The following FGF12 variants were observed in gnomAD, a reference collection of about 807,000 sequenced individuals.
FGF12 encodes the protein fibroblast growth factor 12B.
FGF12 carries 14 observed loss-of-function variants against 23.6 expected under a neutral mutation model. The ratio of observed to expected loss-of-function variants is 0.59; its 90% CI spans 0.39 to 0.93. FGF12 has a LOEUF of 0.93. Ranked by LOEUF, FGF12 falls within the 40% of genes least tolerant of loss-of-function variation. FGF12 has a pLI of 0.00. For missense variants in FGF12, 175 were observed against 217.8 expected (o/e 0.80, Z 1.24); for synonymous variants, 62 against 77.3 (o/e 0.80, Z 1.04).
At chr3:192,707,345 C>G (rs931872560) in intron 2 of FGF12, among the ~76,000 whole-genome samples, 1 of 151,944 alleles carries the variant, frequency 6.6e-6, no homozygotes, top group Non-Finnish European at 1.5e-5. Flanking sequence ...GGGAGCTGAC[C>G]GAGAATGGCA....
intron 2 of FGF12, among the ~76,000 whole-genome samples, chr3:192,685,532 A>G (rs1717700191): frequency 6.6e-6 from 1 of 152,204 alleles, no homozygotes; most frequent in South Asian, 2.1e-4. Flanking sequence ...AGAGGGAGAC[A>G]AAAATTCAAA....
intron 4 of FGF12, among the ~76,000 whole-genome samples, chr3:192,253,493 T>C (rs1712173048): frequency 6.6e-6 from 1 of 152,038 alleles, no homozygotes; most frequent in Admixed American, 6.6e-5. Flanking sequence ...AAGAAATTAA[T>C]TTAGCTTTAG....
intron 4 of FGF12, among the ~76,000 whole-genome samples, chr3:192,323,991 C>T (rs193055113): frequency 1.3e-5 from 2 of 152,068 alleles, no homozygotes; most frequent in East Asian, 3.9e-4. Context: ...ACTTGGGAGG[C>T]TGAGGCTGCA....
intron 3 of FGF12, among the ~76,000 whole-genome samples, chr3:192,353,725 C>T (rs1718334514): frequency 6.6e-6 from 1 of 152,056 alleles, no homozygotes; most frequent in Admixed American, 6.5e-5. Context: ...AAGTGAGGAG[C>T]CAAGGCTGAA....
chr3:192,671,455 T>A (rs1369766895), intron 2 of FGF12, among the ~76,000 whole-genome samples: 1 of 152,162 alleles, frequency 6.6e-6, no homozygotes, highest in Non-Finnish European at 1.5e-5. Flanking sequence ...CATGTATTGG[T>A]CATGTTCTCT....
At chr3:192,173,659 A>G (rs949989662) in intron 4 of FGF12, among the ~76,000 whole-genome samples, 1 of 152,220 alleles carries the variant, frequency 6.6e-6, no homozygotes, top group Non-Finnish European at 1.5e-5. Flanking sequence ...ATCTAGTCCA[A>G]TACTAGCAAA....
chr3:192,695,353 C>A (rs1452344456), intron 2 of FGF12, among the ~76,000 whole-genome samples: 3 of 152,096 alleles, frequency 2.0e-5, no homozygotes, highest in African/African-American at 7.2e-5. Context: ...CAAATGCCAC[C>A]TCCTAGATTA....
chr3:192,257,378 A>G lies in FGF12; in HGVS notation c.228+77983T>C, dbSNP rs142551051. On this transcript the variant is annotated intron_variant, in intron 4 of 5. Coordinates refer to ENST00000445105, the MANE Select transcript of FGF12 (RefSeq NM_004113.6). Reference sequence around the variant, plus strand: ...CCTGTCCATCACCCAGATGATCTCTATATCAACATCAGAGAGTGGCAGATG... The same window carrying G: ...CCTGTCCATCACCCAGATGATCTCTGTATCAACATCAGAGAGTGGCAGATG... 4.8e-3 allele frequency among the ~76,000 whole-genome samples: 732 copies of G among 152,264 alleles called. 1 individual carries two copies. Among genetic ancestry groups the G allele is most frequent in the African/African-American group, 0.011 (443 of 41,568 alleles).
chr3:192,289,781 T>C (rs1458110112), intron 4 of FGF12, among the ~76,000 whole-genome samples: 1 of 152,182 alleles, frequency 6.6e-6, no homozygotes, highest in African/African-American at 2.4e-5. Flanking sequence ...AGATGTCCAA[T>C]AAATGCCAGT....
At chr3:192,211,961 A>C (rs1002162756) in intron 4 of FGF12, among the ~76,000 whole-genome samples, 31 of 152,226 alleles carry the variant, frequency 2.0e-4, no homozygotes, top group African/African-American at 7.5e-4. Context: ...CTCCCACATT[A>C]AACACAGGAA....
At chr3:192,262,974 A>G (rs1263028182) in intron 4 of FGF12, among the ~76,000 whole-genome samples, 1 of 152,098 alleles carries the variant, frequency 6.6e-6, no homozygotes, top group Non-Finnish European at 1.5e-5. Flanking sequence ...ACAAAAAGGC[A>G]TAATACCTCA....
intron 2 of FGF12, among the ~76,000 whole-genome samples, chr3:192,429,870 T>C (rs1461089019): frequency 6.6e-6 from 1 of 151,110 alleles, no homozygotes; most frequent in Non-Finnish European, 1.5e-5. Context: ...CCTTAAGATA[T>C]TTTTTTGCAA....
intron 2 of FGF12, among the ~76,000 whole-genome samples, chr3:192,578,501 T>G (rs1248602013): frequency 6.6e-6 from 1 of 152,240 alleles, no homozygotes; most frequent in African/African-American, 2.4e-5. Flanking sequence ...AACTTATTTA[T>G]TAACTGCTCT....
At chr3:192,639,456 C>A (rs373519820) in intron 2 of FGF12, among the ~76,000 whole-genome samples, 2 of 152,316 alleles carry the variant, frequency 1.3e-5, no homozygotes, top group South Asian at 4.2e-4. Context: ...TCTGGGCATA[C>A]GCCCCCAAAA....
At chr3:192,474,555 C>G (rs1723263536) in intron 2 of FGF12, among the ~76,000 whole-genome samples, 1 of 152,086 alleles carries the variant, frequency 6.6e-6, no homozygotes, top group African/African-American at 2.4e-5. Context: ...GTTGGGTTCA[C>G]AGATGTAGTA....
At chr3:192,610,365 A>G (rs1714506786) in intron 2 of FGF12, among the ~76,000 whole-genome samples, 1 of 152,070 alleles carries the variant, frequency 6.6e-6, no homozygotes. Flanking sequence ...CTGAGCTCCA[A>G]GAAAATATGA....
chr3:192,439,825 AAT>A (rs1722146022), intron 2 of FGF12, among the ~76,000 whole-genome samples: 3 of 151,922 alleles, frequency 2.0e-5, no homozygotes, highest in African/African-American at 4.8e-5. Context: ...AAATACAAAA[AAT>A]TTAGCCGGGT....
In FGF12 at chr3:192,514,721, G is replaced by A; in HGVS notation, c.14-154183C>T. 4 of 985,458 alleles carry A rather than the reference G, an allele frequency of 4.1e-6. No homozygotes were observed. Among genetic ancestry groups the A allele is most frequent in the Non-Finnish European group, 4.8e-6 (4 of 829,928 alleles). 61.0% of individuals were successfully genotyped at this position (985,458 alleles called of 1,614,324 possible). A position where few individuals can be genotyped will look rare whatever the true frequency, so the allele number is the denominator to read the frequency against. On this transcript the variant is annotated intron_variant, in intron 2 of 5. Coordinates refer to ENST00000445105, the MANE Select transcript of FGF12 (RefSeq NM_004113.6). The surrounding 1 kb of genome is among the most constrained non-coding windows in gnomAD (Gnocchi z 4.9). ...CTTCCACAGAGACACTGCAGCATAT[G>A]CACTCCTTTCTTCAGAGAAAGCTCA...
At chr3:192,223,037 T>A (rs925539133) in intron 4 of FGF12, among the ~76,000 whole-genome samples, 2 of 152,176 alleles carry the variant, frequency 1.3e-5, no homozygotes, top group African/African-American at 2.4e-5. Context: ...AGATATAACT[T>A]AGTAAAGTGA....
Sources: allele counts gnomAD v4.1 joint callset (sites outside exome capture counted in the v4.1 genomes callset), GRCh38; gene constraint gnomAD v4.1.1; non-coding constraint Gnocchi (gnomAD v3.1); transcripts MANE v1.5; gene names NCBI Gene and HGNC (gene_info 2026-07-23, HGNC 2026-07-21).